Variants in THSD7B observed in about 807,000 individuals in gnomAD.
THSD7B encodes thrombospondin type 1 domain containing 7B.
THSD7B carries 138 observed loss-of-function variants against 213.6 expected under a neutral mutation model. That is an observed-to-expected ratio of 0.65 (90% CI 0.56 to 0.74). The LOEUF (loss-of-function observed/expected upper bound fraction) is 0.74, where lower values mean the gene tolerates loss of function less well. THSD7B is among the 30% of genes least tolerant of loss of function. The pLI, the probability that THSD7B is intolerant of heterozygous loss-of-function variation, is 0.00. For synonymous variants in THSD7B, 742 were observed against 687.0 expected (o/e 1.08, Z -1.25); for missense variants, 1,931 against 1,991.5 (o/e 0.97, Z 0.58).
At chr2:137,669,764 AT>A (rs1314377874) in intron 27 of THSD7B, among the ~76,000 whole-genome samples, 2 of 152,196 alleles carry the variant, frequency 1.3e-5, no homozygotes, top group African/African-American at 4.8e-5. Context: ...TATGGTTCCC[AT>A]TTCCCCTAAG....
intron 7 of THSD7B, among the ~76,000 whole-genome samples, chr2:137,206,484 G>T (rs556964550): frequency 4.6e-5 from 7 of 152,002 alleles, no homozygotes; most frequent in Non-Finnish European, 7.4e-5. Flanking sequence ...TCACATTAGA[G>T]TTACATTATC....
intron 2 of THSD7B, among the ~76,000 whole-genome samples, chr2:136,980,301 G>C (rs34197517): frequency 1.3e-5 from 2 of 152,108 alleles, no homozygotes; most frequent in Admixed American, 1.3e-4. Flanking sequence ...AGTGCTTGGC[G>C]CTGGGGGGAA....
intron 17 of THSD7B, among the ~76,000 whole-genome samples, chr2:137,598,383 G>A (rs1185979049): frequency 6.6e-6 from 1 of 152,138 alleles, no homozygotes; most frequent in Non-Finnish European, 1.5e-5. Flanking sequence ...AAGGAAAGTA[G>A]GTTCTTTATC....
chr2:136,786,524 T>G (rs1400792821), intron 1 of THSD7B, among the ~76,000 whole-genome samples: 1 of 152,180 alleles, frequency 6.6e-6, no homozygotes, highest in Non-Finnish European at 1.5e-5. Flanking sequence ...GTCTGATTGC[T>G]TCTTCAATGT....
chr2:136,872,812 T>TAAAAAAAAAAA (rs1683455354), intron 1 of THSD7B, among the ~76,000 whole-genome samples: 1 of 12,226 alleles, frequency 8.2e-5, no homozygotes, highest in Non-Finnish European at 1.5e-4. Flanking sequence ...TTACTGAAAA[T>TAAAAAAAAAAA]ACAAAAAAAA....
rs571198438 is a variant in THSD7B, at chr2:136,791,430, A to G, written c.-36+25743A>G. Among the ~76,000 whole-genome samples, 11 of 152,084 alleles carry G rather than the reference A, an allele frequency of 7.2e-5. No homozygotes were observed. In the South Asian group the frequency reaches 1.9e-3, roughly 26 times the overall value. On this transcript the variant is annotated intron_variant, in intron 1 of 27. Transcript: ENST00000409968. ...AACGTACAATACAATGGTGTTTAGT[A>G]TATATATGAAGTGGTGCAGCCATCA...
chr2:137,451,719 A>C (rs1319298838), intron 15 of THSD7B, among the ~76,000 whole-genome samples: 1 of 152,124 alleles, frequency 6.6e-6, no homozygotes, highest in Admixed American at 6.5e-5. Context: ...GAATTATAAT[A>C]AAGAACTCAA....
At chr2:137,263,008 G>A (rs1682488385) in intron 10 of THSD7B, among the ~76,000 whole-genome samples, 1 of 152,118 alleles carries the variant, frequency 6.6e-6, no homozygotes, top group Non-Finnish European at 1.5e-5. Context: ...ATTTGATAAG[G>A]TTAGCTCTCT....
chr2:137,123,323 G>T (rs7599664), intron 5 of THSD7B, among the ~76,000 whole-genome samples: 1 of 152,082 alleles, frequency 6.6e-6, no homozygotes, highest in African/African-American at 2.4e-5. Flanking sequence ...TGACCAATGA[G>T]AAACAAGATT....
intron 14 of THSD7B, among the ~76,000 whole-genome samples, chr2:137,425,199 G>A (rs1045205346): frequency 6.6e-6 from 1 of 151,600 alleles, no homozygotes; most frequent in Non-Finnish European, 1.5e-5. Flanking sequence ...GTAATCTAGA[G>A]ATGATTTATT....
rs183190078 is a variant in THSD7B, at chr2:137,513,604, C to G, written c.3139-49617C>G. Among the ~76,000 whole-genome samples the G allele has an allele frequency of 7.2e-5, 11 of 152,096 alleles. No individual in the cohort carries two copies. The East Asian group carries it at 2.1e-3, about 29-fold the overall frequency. ...AAAAATCTTCTAGTATATATTTGAC[C>G]AAAAATAATTTAACTAAAATATGTA... On this transcript the variant is annotated intron_variant, in intron 15 of 27. Transcript: ENST00000409968.
intron 2 of THSD7B, among the ~76,000 whole-genome samples, chr2:136,978,467 G>A (rs1685520571): frequency 1.3e-5 from 2 of 152,234 alleles, no homozygotes; most frequent in South Asian, 2.1e-4. Context: ...ATGAATCTAG[G>A]TGCTCCTGTA....
chr2:136,835,771 T>G (rs945659834), intron 1 of THSD7B, among the ~76,000 whole-genome samples: 1 of 152,210 alleles, frequency 6.6e-6, no homozygotes, highest in Non-Finnish European at 1.5e-5. Context: ...TATGCCATAC[T>G]TCCTGAATTC....
intron 2 of THSD7B, among the ~76,000 whole-genome samples, chr2:136,958,944 T>C (rs1685172949): frequency 6.6e-6 from 1 of 152,108 alleles, no homozygotes; most frequent in Admixed American, 6.5e-5. Context: ...GGGGGAGGAT[T>C]CAGACAGACG....
Position 137,639,635 on chromosome 2 carries a change from A to G in THSD7B, c.3800-2853A>G, listed in dbSNP as rs180955908. The stretch of plus-strand genomic sequence containing the variant: ...ACGCCAGCCCATGAAAGCAGGCAAG[A>G]GGGAGGCTGTGCCCTGCAAAGCCAC... On this transcript the variant is annotated intron_variant, in intron 20 of 27. Coordinates refer to ENST00000409968, the MANE Select transcript of THSD7B (RefSeq NM_001316349.2). Among the ~76,000 whole-genome samples the G allele has an allele frequency of 1.3e-4, 20 of 152,278 alleles. No homozygotes were observed. The East Asian group carries it at 3.9e-3, about 30-fold the overall frequency.
chr2:137,275,539 T>C (rs1247763446), intron 11 of THSD7B, among the ~76,000 whole-genome samples: 1 of 140,204 alleles, frequency 7.1e-6, no homozygotes, highest in East Asian at 2.0e-4. Context: ...TCTTGTATTG[T>C]TTTTTTTTTT....
At chr2:137,424,809 C>T (rs1687005905) in intron 14 of THSD7B, among the ~76,000 whole-genome samples, 1 of 152,098 alleles carries the variant, frequency 6.6e-6, no homozygotes, top group African/African-American at 2.4e-5. Context: ...CAGTGGTTCA[C>T]GCCTGTAATC....
chr2:136,946,381 A>G (rs2099177), intron 2 of THSD7B, among the ~76,000 whole-genome samples: 11,237 of 152,024 alleles, frequency 0.074, 665 homozygotes, highest in African/African-American at 0.16. Flanking sequence ...TCCCACCTGT[A>G]TGACGTGTCA....
At position 137,306,179 on chromosome 2, in the gene THSD7B, A is replaced by G. The variant is rs370821064; in HGVS notation, c.2500+30153A>G. Among the ~76,000 whole-genome samples the G allele has an allele frequency of 7.0e-4, 107 of 152,248 alleles. 6 individuals carry two copies. The South Asian group carries it at 0.022, about 31-fold the overall frequency. ...TTGTTTACACAACATCACCACAAAC[A>G]CAGTGCATAATACATTGTGCTGTGA... On this transcript the variant is annotated intron_variant, in intron 12 of 27. Transcript: ENST00000409968.
Sources: gnomAD v4.1 joint callset for allele counts (sites outside exome capture counted in the v4.1 genomes callset) on GRCh38, gnomAD v4.1.1 for gene constraint, MANE v1.5 for transcripts, NCBI Gene and HGNC (gene_info 2026-07-23, HGNC 2026-07-21) for gene names.